The following MTMR2 variants were observed in gnomAD, a reference collection of about 807,000 sequenced individuals.
The protein encoded by MTMR2 is myotubularin related protein 2, also known as phosphatidylinositol-3,5-bisphosphate 3-phosphatase MTMR2.
MTMR2 carries 55 observed loss-of-function variants against 86.9 expected under a neutral mutation model. The ratio of observed to expected loss-of-function variants is 0.63; its 90% CI spans 0.51 to 0.79. MTMR2 has a LOEUF of 0.79. Ranked by LOEUF, MTMR2 falls within the 30% of genes least tolerant of loss-of-function variation. MTMR2 has a pLI of 0.00. For missense variants in MTMR2, 659 were observed against 772.3 expected (o/e 0.85, Z 1.74); for synonymous variants, 241 against 266.8 (o/e 0.90, Z 0.94).
intron 1 of MTMR2, among the ~76,000 whole-genome samples, chr11:95,912,632 T>C (rs974062425): frequency 1.3e-5 from 2 of 151,796 alleles, no homozygotes; most frequent in Admixed American, 6.6e-5. Context: ...CAATATAAAA[T>C]ATACACAATA....
intron 2 of MTMR2, among the ~76,000 whole-genome samples, chr11:95,867,809 A>C (rs1483288750): frequency 8.8e-6 from 1 of 114,084 alleles, no homozygotes; most frequent in Non-Finnish European, 1.8e-5. Context: ...AGGAAAAAAA[A>C]GGCCTAGAAA....
intron 1 of MTMR2, among the ~76,000 whole-genome samples, chr11:95,904,550 T>G (rs1565383312): frequency 6.6e-6 from 1 of 152,128 alleles, no homozygotes; most frequent in Non-Finnish European, 1.5e-5. Context: ...CAGCATGCGG[T>G]AAAGAAGCCA....
intron 1 of MTMR2, 57 bp downstream of exon 1, chr11:95,923,818 C>T (rs1234151580): frequency 6.5e-7 from 1 of 1,533,054 alleles, no homozygotes; most frequent in Non-Finnish European, 8.8e-7. Flanking sequence ...CCAGCAGGTC[C>T]CCGGCCCCTC....
Position 95,835,353 on chromosome 11 carries a change from G to C in MTMR2, c.1869C>G (p.Thr623=). 6.2e-7 allele frequency: 1 copy of C among 1,613,072 alleles called. No individual in the cohort carries two copies. The highest frequency in any genetic ancestry group is 8.5e-7 in the Non-Finnish European group (1 of 1,179,366). The change falls in exon 15 of 15, where the codon ACC becomes ACG. Residue 623 remains threonine (T), a synonymous_variant. Coordinates refer to ENST00000346299, the MANE Select transcript of MTMR2 (RefSeq NM_016156.6). ...ELQREISNRS[T]SSSERASSPA... ...GAGAGCTGGCTCTCTCTGAGGATGAGGTTGATCGGTTAGAAATCTCTCTCT... is the reference window on the plus strand; with the variant it reads ...GAGAGCTGGCTCTCTCTGAGGATGACGTTGATCGGTTAGAAATCTCTCTCT...
chr11:95,899,700 G>C (rs1187142653), intron 1 of MTMR2, among the ~76,000 whole-genome samples: 1 of 151,970 alleles, frequency 6.6e-6, no homozygotes, highest in East Asian at 1.9e-4. Context: ...AAAAGCTGAG[G>C]CAAGCTTGAA....
Position 95,835,279 on chromosome 11 carries a change from C to A in MTMR2, c.*11G>T. On this transcript the variant is annotated 3_prime_UTR_variant, in exon 15 of 15. Coordinates refer to ENST00000346299, the MANE Select transcript of MTMR2 (RefSeq NM_016156.6). ...AGTGTATAGCAATGATGCCCCTGAT[C>A]TTACAGTCCTTTATACAACAGTTTG... The A allele has an allele frequency of 6.2e-7, 1 of 1,612,362 alleles. No individual in the cohort carries two copies. The highest frequency in any genetic ancestry group is 8.5e-7 in the Non-Finnish European group (1 of 1,178,868).
chr11:95,908,714 C>G (rs142010362), intron 1 of MTMR2, among the ~76,000 whole-genome samples: 1 of 152,000 alleles, frequency 6.6e-6, no homozygotes, highest in African/African-American at 2.4e-5. Context: ...TCTGATCTGA[C>G]AAAGCTGACA....
At chr11:95,905,638 C>A (rs1475647562) in intron 1 of MTMR2, among the ~76,000 whole-genome samples, 1 of 152,126 alleles carries the variant, frequency 6.6e-6, no homozygotes, top group African/African-American at 2.4e-5. Flanking sequence ...AAAACTGGTT[C>A]TTTGCTAATG....
At chr11:95,841,505 G>T in intron 12 of MTMR2, 112 bp downstream of exon 12, 1 of 811,624 alleles carries the variant, frequency 1.2e-6, no homozygotes. Context: ...ACATGGAGAT[G>T]TTACAAGAAT....
intron 10 of MTMR2, among the ~76,000 whole-genome samples, chr11:95,846,883 T>C (rs1157155440): frequency 6.6e-6 from 1 of 152,122 alleles, no homozygotes; most frequent in Non-Finnish European, 1.5e-5. Context: ...GTAAAAATGG[T>C]CTATTTAAAA....
chr11:95,922,056 A>G (rs1017749189), intron 1 of MTMR2, among the ~76,000 whole-genome samples: 4 of 152,266 alleles, frequency 2.6e-5, no homozygotes, highest in Admixed American at 1.3e-4. Context: ...TTTAAAATTA[A>G]TATCAATGCA....
rs189813273 is a variant in MTMR2, at chr11:95,846,685, A to C, written c.1179+1029T>G. Among the ~76,000 whole-genome samples, 802 of 152,286 alleles carry C rather than the reference A, an allele frequency of 5.3e-3. 17 individuals carry two copies. The highest frequency in any genetic ancestry group is 6.4e-3 in the East Asian group (33 of 5,182). On this transcript the variant is annotated intron_variant, in intron 10 of 14. Coordinates refer to ENST00000346299, the MANE Select transcript of MTMR2 (RefSeq NM_016156.6). ...AGCCAGCCTTTTAGAGACCATGTTGAAACTGCAAATTAAATATCTGGAGTT... is the reference window on the plus strand; with the variant it reads ...AGCCAGCCTTTTAGAGACCATGTTGCAACTGCAAATTAAATATCTGGAGTT...
intron 1 of MTMR2, among the ~76,000 whole-genome samples, chr11:95,889,239 T>C (rs1865625214): frequency 6.6e-6 from 1 of 151,840 alleles, no homozygotes; most frequent in African/African-American, 2.4e-5. Flanking sequence ...GTTCAAGCGA[T>C]TCTCCTGTCT....
At chr11:95,873,044 C>T (rs1591009223) in intron 2 of MTMR2, among the ~76,000 whole-genome samples, 1 of 152,276 alleles carries the variant, frequency 6.6e-6, no homozygotes, top group East Asian at 1.9e-4. Flanking sequence ...ATTTTTGCAT[C>T]AATGTTCATC....
At chr11:95,869,466 C>G (rs1187930527) in intron 2 of MTMR2, among the ~76,000 whole-genome samples, 2 of 152,166 alleles carry the variant, frequency 1.3e-5, no homozygotes, top group African/African-American at 4.8e-5. Flanking sequence ...GACACACTTT[C>G]TCTAATACTC....
At chr11:95,862,242 G>A (rs185263209) in intron 4 of MTMR2, 30 bp downstream of exon 4, 3 of 1,566,224 alleles carry the variant, frequency 1.9e-6, no homozygotes, top group East Asian at 4.5e-5. Flanking sequence ...ACACACTCAT[G>A]TACATACAAA....
At chr11:95,850,772 G>T in intron 7 of MTMR2, 23 bp from the exon 8 acceptor site, 1 of 1,605,952 alleles carries the variant, frequency 6.2e-7, no homozygotes, top group Non-Finnish European at 8.5e-7. Context: ...TGAAACATAA[G>T]ACAAATTACT....
At chr11:95,837,338 C>G (rs566442177) in intron 13 of MTMR2, among the ~76,000 whole-genome samples, 1 of 152,136 alleles carries the variant, frequency 6.6e-6, no homozygotes, top group South Asian at 2.1e-4. Context: ...GGATTTGAAC[C>G]CAGCAACTGG....
rs1864259796 is a variant in MTMR2 at position 95,857,628 on chromosome 11, AAAAGAGGCTACAAAAAAGT to A, written c.571-12_577del. On this transcript the variant is annotated splice_acceptor_variant and splice_polypyrimidine_tract_variant and coding_sequence_variant and intron_variant, in exon 7 of 15. Transcript: ENST00000346299. LOFTEE classifies it high-confidence loss of function. ...GAATACTTCTTTGTATTCAAAAGCA[AAAAGAGGCTACAAAAAAGT>A]AAACAATGGTAAGAGCTAAAAAAGA... 1 of 1,609,984 alleles carries A rather than the reference AAAAGAGGCTACAAAAAAGT, an allele frequency of 6.2e-7. No homozygotes were observed. Among genetic ancestry groups the A allele is most frequent in the African/African-American group, 1.3e-5 (1 of 74,830 alleles).
Sources: allele counts gnomAD v4.1 joint callset (sites outside exome capture counted in the v4.1 genomes callset), GRCh38; gene constraint gnomAD v4.1.1; transcripts MANE v1.5; gene names NCBI Gene and HGNC (gene_info 2026-07-23, HGNC 2026-07-21).